The following ATP1A3 variants were observed in gnomAD, a reference collection of about 807,000 sequenced individuals.
ATP1A3 encodes the protein sodium/potassium-transporting ATPase subunit alpha-3.
Under a neutral mutation model 108.8 loss-of-function variants are expected in ATP1A3, and 12 were observed. That is an observed-to-expected ratio of 0.11 (90% CI 0.07 to 0.18). ATP1A3 has a LOEUF of 0.18. Among genes scored for constraint, ATP1A3 ranks in the 10% least tolerant of loss-of-function variants. The probability of loss-of-function intolerance (pLI) is 1.00; values close to 1 mark genes in which losing one functional copy is unlikely to be tolerated. For synonymous variants in ATP1A3, 539 were observed against 564.5 expected (o/e 0.95, Z 0.64); for missense variants, 498 against 1,387.7 (o/e 0.36, Z 10.19).
intron 19 of ATP1A3, 90 bp downstream of exon 19, chr19:41,969,345 G>A (rs2075077019): frequency 3.8e-6 from 6 of 1,595,676 alleles, no homozygotes; most frequent in East Asian, 4.5e-5. Context: ...AGACTGAGGG[G>A]GCCATCGTAG....
At position 41,967,489 on chromosome 19, in the gene ATP1A3, T is replaced by C; in HGVS notation, c.2922-149A>G. ...CCCTGGGCGGGGCTGGGGCCTGGGG[T>C]CTTCGGAGTAATCCGTGGTGGGAGC... is the stretch of plus-strand genomic sequence containing the variant. On this transcript the variant is annotated intron_variant, in intron 21 of 22. Coordinates refer to ENST00000648268, the MANE Select transcript of ATP1A3 (RefSeq NM_152296.5). The surrounding 1 kb of genome is among the most constrained non-coding windows in gnomAD (Gnocchi z 4.2). 8.4e-7 allele frequency: 1 copy of C among 1,193,804 alleles called. No homozygotes were observed. Among genetic ancestry groups the C allele is most frequent in the South Asian group, 1.4e-5 (1 of 70,446 alleles). The allele number at this position is 1,193,804 out of a possible 1,614,324, so 74.0% of individuals were successfully genotyped here.
chr19:41,992,578 G>A (rs2075350755), intron 1 of ATP1A3, among the ~76,000 whole-genome samples: 6 of 152,056 alleles, frequency 3.9e-5, no homozygotes, highest in African/African-American at 1.2e-4. Context: ...TGTCCCTCAG[G>A]CTGACTGTGG....
chr19:41,969,047 C>T lies in ATP1A3; in HGVS notation c.2689-132G>A. ...TCCTCAGGGCCTCAGGTGTGTCTTC[C>T]TTCTGCGGGCTCATAGTCCCGAGGG... On this transcript the variant is annotated intron_variant, in intron 19 of 22. Coordinates refer to ENST00000648268, the MANE Select transcript of ATP1A3 (RefSeq NM_152296.5). 17 of 1,348,358 alleles carry T rather than the reference C, an allele frequency of 1.3e-5. 1 individual carries two copies. The highest frequency in any genetic ancestry group is 1.8e-5 in the Non-Finnish European group (17 of 962,936). The allele number at this position is 1,348,358 out of a possible 1,614,324, so 83.5% of individuals were successfully genotyped here. A position where few individuals can be genotyped will look rare whatever the true frequency, so the allele number is the denominator to read the frequency against.
chr19:41,993,804 C>T (rs539719194), intron 1 of ATP1A3: 6 of 645,334 alleles, frequency 9.3e-6, no homozygotes, highest in African/African-American at 9.3e-5. Flanking sequence ...CACATGCAAC[C>T]GCACAAGGTC....
Position 41,988,675 on chromosome 19 carries a change from C to T in ATP1A3, c.7-113G>A. The T allele has an allele frequency of 1.3e-6, 2 of 1,594,350 alleles. No homozygotes were observed. Among genetic ancestry groups the T allele is most frequent in the Non-Finnish European group, 8.5e-7 (1 of 1,172,588 alleles). ...GCTATCCTCCTGGCCGGTGCCCCTG[C>T]ATCTCTGGGTGGGGGGTCTCTGTCT... On this transcript the variant is annotated intron_variant, in intron 1 of 22. Coordinates refer to ENST00000648268, the MANE Select transcript of ATP1A3 (RefSeq NM_152296.5). This position sits in a 1 kb window ranked among gnomAD's most constrained non-coding sequence, Gnocchi z 5.3.
At chr19:41,989,510 A>G (rs1353511330) in intron 1 of ATP1A3, among the ~76,000 whole-genome samples, 4 of 151,762 alleles carry the variant, frequency 2.6e-5, no homozygotes, top group Non-Finnish European at 5.9e-5. Context: ...TAGTAGAGAC[A>G]GGGTTTCACT....
rs1479873545 is a variant in ATP1A3, at chr19:41,981,095, C to T, written c.1437+407G>A. Among the ~76,000 whole-genome samples the T allele has an allele frequency of 2.0e-5, 3 of 151,138 alleles. No homozygotes were observed. Among genetic ancestry groups the T allele is most frequent in the Non-Finnish European group, 2.9e-5 (2 of 67,842 alleles). ...CTCTGCAGCCCCAACCTCCCCGGCT[C>T]AGGCAATCCTCCTGCCTCAGACTCC... On this transcript the variant is annotated intron_variant, in intron 11 of 22. Coordinates refer to ENST00000648268, the MANE Select transcript of ATP1A3 (RefSeq NM_152296.5). This position sits in a 1 kb window ranked among gnomAD's most constrained non-coding sequence, Gnocchi z 5.0.
Position 41,967,130 on chromosome 19 carries a change from G to C in ATP1A3, c.3013+119C>G. Reference sequence around the variant, plus strand: ...GTGGGTGCCCGGAGAGATGGGAAGAGAGAGAAGAGTGGGAACCAGGTGGCA... The same window carrying C: ...GTGGGTGCCCGGAGAGATGGGAAGACAGAGAAGAGTGGGAACCAGGTGGCA... On this transcript the variant is annotated intron_variant, in intron 22 of 22. Transcript: ENST00000648268. This position sits in a 1 kb window ranked among gnomAD's most constrained non-coding sequence, Gnocchi z 4.2. 1 of 1,565,850 alleles carries C rather than the reference G, an allele frequency of 6.4e-7. No homozygotes were observed. The highest frequency in any genetic ancestry group is 1.2e-5 in the South Asian group (1 of 85,604).
At chr19:41,977,027 C>T (rs2075178594) in intron 14 of ATP1A3, among the ~76,000 whole-genome samples, 1 of 151,538 alleles carries the variant, frequency 6.6e-6, no homozygotes, top group Admixed American at 6.6e-5. Context: ...AGGCTGCTCT[C>T]GAACTCCTGA....
intron 1 of ATP1A3, chr19:41,993,501 G>GCACACA (rs4060828): frequency 1.9e-4 from 126 of 678,384 alleles, no homozygotes; most frequent in African/African-American, 6.0e-4. Flanking sequence ...TGCGGAGCCT[G>GCACACA]CACACACACA....
chr19:41,969,654 G>T (rs1417123931), intron 18 of ATP1A3, 74 bp from the exon 19 acceptor site: 1 of 1,582,600 alleles, frequency 6.3e-7, no homozygotes, highest in Admixed American at 1.7e-5. Flanking sequence ...ACCTCAGAGG[G>T]CCCGGAGGCC....
chr19:41,969,053 C>A, intron 19 of ATP1A3, 138 bp from the exon 20 acceptor site: 1 of 1,318,740 alleles, frequency 7.6e-7, no homozygotes, highest in Non-Finnish European at 1.1e-6. Flanking sequence ...CTTCCTTCTG[C>A]GGGCTCATAG....
intron 16 of ATP1A3, among the ~76,000 whole-genome samples, chr19:41,972,786 GGGAAGGAAGGAAGGAAGGGGAA>G (rs1268309705): frequency 1.7e-4 from 24 of 144,344 alleles, no homozygotes; most frequent in African/African-American, 6.2e-4. Context: ...GGAGGGGAGG[GGGAAGGAAGGAAGGAAGGGGAA>G]GGAAGGAAGG....
In ATP1A3 at chr19:41,981,935, C is replaced by T. The variant is rs1555863623; in HGVS notation, c.1165G>A (p.Glu389Lys). The stretch of plus-strand genomic sequence containing the variant: ...GACTGGTCCTCAGTGGTGTCAGCCT[C>T]GTGGATCTGGTTGTCAAACCACATG... The part of the protein sequence containing the change: ...AHMWFDNQIH[E>K]ADTTEDQSGT... Residue 389 changes from glutamate to lysine, a missense_variant, in exon 9 of 23, where the codon GAG (glutamate) becomes AAG (lysine). Around this residue, in one of 9 missense-constraint regions of ATP1A3, gnomAD observed 36 missense variants for 58.7 expected, o/e 0.61. Transcript: ENST00000648268. The surrounding 1 kb of genome is among the most constrained non-coding windows in gnomAD (Gnocchi z 5.0). The T allele has an allele frequency of 6.2e-7, 1 of 1,614,198 alleles. No homozygotes were observed. The highest frequency in any genetic ancestry group is 8.5e-7 in the Non-Finnish European group (1 of 1,180,040).
chr19:41,989,052 G>A lies in ATP1A3; in HGVS notation c.7-490C>T, dbSNP rs185477378. Among the ~76,000 whole-genome samples the A allele has an allele frequency of 5.8e-3, 878 of 152,100 alleles. 8 individuals carry two copies. Among genetic ancestry groups the A allele is most frequent in the Non-Finnish European group, 9.9e-3 (676 of 67,992 alleles). ...CTTCTGAGGCTCAGGTGATCCTCCCGCCTCCGCCTCCTGTGTAGCTGGGAC... is the reference window on the plus strand; with the variant it reads ...CTTCTGAGGCTCAGGTGATCCTCCCACCTCCGCCTCCTGTGTAGCTGGGAC... On this transcript the variant is annotated intron_variant, in intron 1 of 22. Coordinates refer to ENST00000648268, the MANE Select transcript of ATP1A3 (RefSeq NM_152296.5).
rs2075236634 is a variant in ATP1A3, at chr19:41,981,965, C to T, written c.1135G>A (p.Ala379Thr). The change falls in exon 9 of 23, where the codon GCC becomes ACC. Residue 379 changes from alanine to threonine, a missense_variant. Ala to Thr is a moderately conservative substitution (Grantham distance 58). Around this residue, in one of 9 missense-constraint regions of ATP1A3, gnomAD observed 127 missense variants for 464.0 expected, o/e 0.27. Transcript: ENST00000648268. The surrounding 1 kb of genome is among the most constrained non-coding windows in gnomAD (Gnocchi z 5.0). ...ATCTGGTTGTCAAACCACATGTGGG[C>T]GACTGTCATGCGGTTCTGAGTGAGG... ...GTLTQNRMTV[A>T]HMWFDNQIHE... 2 of 1,614,154 alleles carry T rather than the reference C, an allele frequency of 1.2e-6. No homozygotes were observed. The highest frequency in any genetic ancestry group is 1.7e-6 in the Non-Finnish European group (2 of 1,180,038).
At chr19:41,969,289 C>A in intron 19 of ATP1A3, 146 bp downstream of exon 19, 2 of 1,393,566 alleles carry the variant, frequency 1.4e-6, no homozygotes, top group Non-Finnish European at 2.0e-6. Flanking sequence ...CCAAGGGCAT[C>A]CAGGAAGCCC....
In ATP1A3 at chr19:41,976,256, C is replaced by T. The variant is rs1344764001; in HGVS notation, c.2094+160G>A. Among the ~76,000 whole-genome samples the T allele has an allele frequency of 5.3e-5, 8 of 151,182 alleles. No individual in the cohort carries two copies. In the East Asian group the frequency reaches 1.6e-3, roughly 30 times the overall value. On this transcript the variant is annotated intron_variant, in intron 15 of 22. Transcript: ENST00000648268. ...GGTCCAGGTCCCCAGCCCCCTCCTC[C>T]CTCAGACCCAGGAGTCCAGGCCCCC...
In ATP1A3 at chr19:41,981,342, T is replaced by A. The variant is rs572607340; in HGVS notation, c.1437+160A>T. On this transcript the variant is annotated intron_variant, in intron 11 of 22. Coordinates refer to ENST00000648268, the MANE Select transcript of ATP1A3 (RefSeq NM_152296.5). This position sits in a 1 kb window ranked among gnomAD's most constrained non-coding sequence, Gnocchi z 5.0. ...CCTCAGCGTCTCACTCCAACAGAGA[T>A]CCGGCTCCCACTCTCAAGCTCTCCC... 6.6e-6 allele frequency among the ~76,000 whole-genome samples: 1 copy of A among 152,042 alleles called. No individual in the cohort carries two copies. The highest frequency in any genetic ancestry group is 1.5e-5 in the Non-Finnish European group (1 of 68,004).
Sources: gnomAD v4.1 joint callset for allele counts (sites outside exome capture counted in the v4.1 genomes callset) on GRCh38, gnomAD v4.1.1 for gene constraint, gnomAD v4.1.1 regional missense constraint, Gnocchi (gnomAD v3.1) non-coding constraint, MANE v1.5 for transcripts, NCBI Gene and HGNC (gene_info 2026-07-23, HGNC 2026-07-21) for gene names.